Variants in RARRES1 observed in about 807,000 individuals in gnomAD.
The protein encoded by RARRES1 is retinoic acid receptor responder protein 1.
RARRES1 carries 34 observed loss-of-function variants against 30.6 expected under a neutral mutation model. That is an observed-to-expected ratio of 1.11 (90% CI 0.84 to 1.48). The LOEUF (loss-of-function observed/expected upper bound fraction) is 1.48, where lower values mean the gene tolerates loss of function less well. Ranked by LOEUF, RARRES1 falls within the 40% of genes most tolerant of loss-of-function variation. The pLI is 0.00. For missense variants in RARRES1, 373 were observed against 386.5 expected, an observed-to-expected ratio of 0.97 and a Z score of 0.29; for synonymous variants, 153 against 155.5, an observed-to-expected ratio of 0.98 and a Z score of 0.12.
intron 1 of RARRES1, among the ~76,000 whole-genome samples, chr3:158,729,306 A>G (rs1273921213): frequency 6.6e-6 from 1 of 151,172 alleles, no homozygotes. Context: ...CACTGGAGCA[A>G]TGCAGGGGCT....
At chr3:158,719,350 C>T (rs1044559173) in intron 1 of RARRES1, among the ~76,000 whole-genome samples, 28 of 151,290 alleles carry the variant, frequency 1.9e-4, no homozygotes, top group Admixed American at 1.7e-3. Flanking sequence ...CAGCTCACTG[C>T]ACCCTCCACC....
chr3:158,725,373 G>T (rs1415238867), intron 1 of RARRES1, among the ~76,000 whole-genome samples: 1 of 152,180 alleles, frequency 6.6e-6, no homozygotes, highest in Admixed American at 6.5e-5. Context: ...ATTTGGGCGA[G>T]TGTGTGTGTA....
At position 158,732,456 on chromosome 3, in the gene RARRES1, T is replaced by G; in HGVS notation, c.-41A>C. ...GGCTCGGCACCCGACAGACACGGGCTCGGAGCGGGCAGTGCCGGCGCTCGC... is the reference window on the plus strand; with the variant it reads ...GGCTCGGCACCCGACAGACACGGGCGCGGAGCGGGCAGTGCCGGCGCTCGC... On this transcript the variant is annotated 5_prime_UTR_variant, in exon 1 of 6. Transcript: ENST00000237696. 2.6e-6 allele frequency: 4 copies of G among 1,516,716 alleles called. No homozygotes were observed. Among genetic ancestry groups the G allele is most frequent in the Non-Finnish European group, 3.5e-6 (4 of 1,137,186 alleles). The allele number at this position is 1,516,716 out of a possible 1,614,324, so 94.0% of individuals were successfully genotyped here. A position where few individuals can be genotyped will look rare whatever the true frequency, so the allele number is the denominator to read the frequency against.
intron 1 of RARRES1, among the ~76,000 whole-genome samples, chr3:158,729,472 A>G (rs2108157125): frequency 6.6e-6 from 1 of 152,076 alleles, no homozygotes; most frequent in South Asian, 2.1e-4. Flanking sequence ...TTTATTTGAG[A>G]CGGAGTCTCG....
intron 1 of RARRES1, among the ~76,000 whole-genome samples, chr3:158,716,726 G>C (rs1443484466): frequency 6.6e-6 from 1 of 152,048 alleles, no homozygotes; most frequent in Non-Finnish European, 1.5e-5. Flanking sequence ...TGAGACTACA[G>C]GTGCACGCTG....
At position 158,697,092 on chromosome 3, in the gene RARRES1, C is replaced by T. The variant is rs1485387614; in HGVS notation, c.*586G>A. ...CTTTGTATACAAATCTTCACGAGAA[C>T]ATTCAACACATTTCATTATTTAGAA... is the stretch of plus-strand genomic sequence containing the variant. On this transcript the variant is annotated 3_prime_UTR_variant, in exon 6 of 6. Coordinates refer to ENST00000237696, the MANE Select transcript of RARRES1 (RefSeq NM_206963.2). 1.3e-5 allele frequency: 2 copies of T among 152,070 alleles called. No individual in the cohort carries two copies. The highest frequency in any genetic ancestry group is 2.9e-5 in the Non-Finnish European group (2 of 68,024). 9.4% of individuals were successfully genotyped at this position (152,070 alleles called of 1,614,324 possible).
chr3:158,700,521 C>A (rs1168912123), intron 4 of RARRES1, among the ~76,000 whole-genome samples: 1 of 152,082 alleles, frequency 6.6e-6, no homozygotes, highest in Non-Finnish European at 1.5e-5. Context: ...ATCGAAACAT[C>A]CCCTTACATT....
chr3:158,714,718 T>C (rs997753796), intron 1 of RARRES1, among the ~76,000 whole-genome samples: 1 of 152,250 alleles, frequency 6.6e-6, no homozygotes, highest in Non-Finnish European at 1.5e-5. Flanking sequence ...GCCATCTTTT[T>C]TTTAAGAGAG....
intron 3 of RARRES1, among the ~76,000 whole-genome samples, chr3:158,710,410 G>C (rs995827771): frequency 1.3e-5 from 2 of 151,928 alleles, no homozygotes; most frequent in African/African-American, 4.8e-5. Flanking sequence ...GGGTTTCACC[G>C]TGTTAGCCAG....
At chr3:158,727,993 C>T (rs781680609) in intron 1 of RARRES1, among the ~76,000 whole-genome samples, 3 of 152,196 alleles carry the variant, frequency 2.0e-5, no homozygotes, top group Non-Finnish European at 4.4e-5. Flanking sequence ...GACGCGCCAA[C>T]AGCTCACAGA....
chr3:158,729,327 A>C (rs1727795346), intron 1 of RARRES1, among the ~76,000 whole-genome samples: 1 of 151,324 alleles, frequency 6.6e-6, no homozygotes, highest in African/African-American at 2.4e-5. Flanking sequence ...GGGAATTTTT[A>C]CTTTATTCAC....
At chr3:158,728,042 A>G (rs1214653741) in intron 1 of RARRES1, among the ~76,000 whole-genome samples, 1 of 152,226 alleles carries the variant, frequency 6.6e-6, no homozygotes, top group Non-Finnish European at 1.5e-5. Context: ...CTTAAACATC[A>G]TTTAGTCTAA....
rs1727233201 is a variant in RARRES1, at chr3:158,713,870, G to T, written c.277-11C>A. ...CTCTTTTGGATTAATCTGGAACACAGAAACTGAATCTTAGTATAGTAGAAG... is the reference window on the plus strand; with the variant it reads ...CTCTTTTGGATTAATCTGGAACACATAAACTGAATCTTAGTATAGTAGAAG... On this transcript the variant is annotated splice_polypyrimidine_tract_variant and intron_variant, in intron 1 of 5. Coordinates refer to ENST00000237696, the MANE Select transcript of RARRES1 (RefSeq NM_206963.2). 3 of 1,610,868 alleles carry T rather than the reference G, an allele frequency of 1.9e-6. No individual in the cohort carries two copies. The South Asian group carries it at 3.3e-5, about 18-fold the overall frequency.
At chr3:158,699,478 T>C (rs975419222) in intron 4 of RARRES1, among the ~76,000 whole-genome samples, 3 of 145,642 alleles carry the variant, frequency 2.1e-5, no homozygotes, top group Non-Finnish European at 4.5e-5. Context: ...TTGCCTACAT[T>C]GATGGAGATT....
chr3:158,713,895 G>A (rs1459764778), intron 1 of RARRES1, 36 bp from the exon 2 acceptor site: 1 of 1,567,154 alleles, frequency 6.4e-7, no homozygotes, highest in Non-Finnish European at 8.8e-7. Flanking sequence ...TATAGTAGAA[G>A]CTCCCTTAAA....
At chr3:158,708,091 T>C (rs1726984686) in intron 3 of RARRES1, among the ~76,000 whole-genome samples, 1 of 152,244 alleles carries the variant, frequency 6.6e-6, no homozygotes, top group Admixed American at 6.5e-5. Context: ...GAATGAATTT[T>C]TTTTTCCTCA....
intron 2 of RARRES1, among the ~76,000 whole-genome samples, chr3:158,712,463 A>G (rs1727168171): frequency 6.6e-6 from 1 of 152,206 alleles, no homozygotes; most frequent in Non-Finnish European, 1.5e-5. Flanking sequence ...ACTACCTCAA[A>G]AAACTGAGAA....
intron 1 of RARRES1, 129 bp from the exon 2 acceptor site, chr3:158,713,988 G>A: frequency 1.2e-6 from 1 of 833,762 alleles, no homozygotes; most frequent in Non-Finnish European, 1.9e-6. Context: ...AATAAAATTG[G>A]TGATGGCTTA....
chr3:158,719,951 G>A (rs774266658), intron 1 of RARRES1, among the ~76,000 whole-genome samples: 2 of 152,154 alleles, frequency 1.3e-5, no homozygotes, highest in African/African-American at 2.4e-5. Context: ...AAGTGATTAC[G>A]TGTTGTACTC....
Sources: allele counts gnomAD v4.1 joint callset (sites outside exome capture counted in the v4.1 genomes callset), GRCh38; gene constraint gnomAD v4.1.1; transcripts MANE v1.5; gene names NCBI Gene and HGNC (gene_info 2026-07-23, HGNC 2026-07-21).